Variants in CDH12 observed in about 807,000 individuals in gnomAD.
The protein encoded by CDH12 is cadherin 12, also known as cadherin-12.
Under a neutral mutation model 74.1 loss-of-function variants are expected in CDH12, and 41 were observed. The observed-to-expected ratio is 0.55, with a 90% CI of 0.43 to 0.72. The LOEUF is 0.72. Among genes scored for constraint, CDH12 ranks in the 30% least tolerant of loss-of-function variants. The pLI is 0.00. For missense variants in CDH12, 945 were observed against 977.2 expected (o/e 0.97, Z 0.44); for synonymous variants, 399 against 355.0 (o/e 1.12, Z -1.39).
intron 4 of CDH12, among the ~76,000 whole-genome samples, chr5:22,166,841 A>G (rs1007765018): frequency 9.2e-5 from 14 of 152,282 alleles, no homozygotes; most frequent in Admixed American, 9.2e-4. Flanking sequence ...GCGAGAAAGA[A>G]TATATCTTAT....
chr5:22,275,390 T>C (rs376550136), intron 3 of CDH12, among the ~76,000 whole-genome samples: 1 of 152,124 alleles, frequency 6.6e-6, no homozygotes, highest in Non-Finnish European at 1.5e-5. Context: ...TTAAAAACAG[T>C]AAACCTAAGA....
intron 4 of CDH12, among the ~76,000 whole-genome samples, chr5:22,092,411 A>G (rs1014941047): frequency 1.3e-5 from 2 of 152,200 alleles, no homozygotes; most frequent in African/African-American, 4.8e-5. Context: ...ACCATTTATT[A>G]TTCAATAGAA....
At chr5:22,346,703 T>C (rs1167036477) in intron 3 of CDH12, among the ~76,000 whole-genome samples, 2 of 152,168 alleles carry the variant, frequency 1.3e-5, no homozygotes, top group Admixed American at 6.5e-5. Flanking sequence ...TTCTCGATAG[T>C]TGAAAGTTGT....
At chr5:22,647,864 A>G (rs1305963055) in intron 1 of CDH12, among the ~76,000 whole-genome samples, 1 of 151,868 alleles carries the variant, frequency 6.6e-6, no homozygotes, top group African/African-American at 2.4e-5. Flanking sequence ...CTGAACTCAC[A>G]TTTCCATGGA....
intron 1 of CDH12, among the ~76,000 whole-genome samples, chr5:22,691,037 T>C (rs953496468): frequency 3.9e-5 from 6 of 152,198 alleles, no homozygotes; most frequent in African/African-American, 9.7e-5. Context: ...TAAAACCACT[T>C]AGCATTTACC....
At chr5:21,801,975 A>C (rs1170465187) in intron 10 of CDH12, among the ~76,000 whole-genome samples, 192 bp downstream of exon 10, 2 of 152,130 alleles carry the variant, frequency 1.3e-5, no homozygotes, top group Non-Finnish European at 2.9e-5. Flanking sequence ...CTGCTGCAAT[A>C]GTTGATAATA....
At chr5:22,757,362 C>A (rs1183482461) in intron 1 of CDH12, among the ~76,000 whole-genome samples, 1 of 152,138 alleles carries the variant, frequency 6.6e-6, no homozygotes, top group African/African-American at 2.4e-5. Context: ...TTGACTCCAA[C>A]TAATACATTT....
At chr5:22,142,198 A>C (rs1325630892) in intron 4 of CDH12, among the ~76,000 whole-genome samples, 1 of 152,142 alleles carries the variant, frequency 6.6e-6, no homozygotes, top group African/African-American at 2.4e-5. Context: ...GAATATAAAC[A>C]GAAGATATCA....
At chr5:22,257,869 A>G (rs1753373029) in intron 3 of CDH12, among the ~76,000 whole-genome samples, 1 of 152,114 alleles carries the variant, frequency 6.6e-6, no homozygotes, top group East Asian at 1.9e-4. Context: ...TAACTCCCAC[A>G]AGCTTAGCGT....
intron 3 of CDH12, among the ~76,000 whole-genome samples, chr5:22,357,494 T>G (rs1740614686): frequency 6.6e-6 from 1 of 152,110 alleles, no homozygotes; most frequent in South Asian, 2.1e-4. Context: ...TAATTCCAAT[T>G]AACATAAAAA....
chr5:22,354,232 T>C (rs1275669497), intron 3 of CDH12, among the ~76,000 whole-genome samples: 1 of 152,126 alleles, frequency 6.6e-6, no homozygotes, highest in African/African-American at 2.4e-5. Context: ...CAGGAAATAA[T>C]TTTTCAGTAT....
At chr5:22,027,032 G>T (rs1461880427) in intron 5 of CDH12, among the ~76,000 whole-genome samples, 4 of 152,254 alleles carry the variant, frequency 2.6e-5, no homozygotes. Context: ...GAAGGTCGTT[G>T]AATTTTGTCA....
At chr5:21,809,645 G>A (rs1442228167) in intron 9 of CDH12, among the ~76,000 whole-genome samples, 1 of 152,102 alleles carries the variant, frequency 6.6e-6, no homozygotes, top group African/African-American at 2.4e-5. Flanking sequence ...TACATGCTAT[G>A]TGAGTAAAAA....
chr5:22,594,425 C>T (rs1169139611), intron 1 of CDH12, among the ~76,000 whole-genome samples: 3 of 152,174 alleles, frequency 2.0e-5, no homozygotes, highest in African/African-American at 7.2e-5. Flanking sequence ...TACTCATCTC[C>T]ATCCAGGTGG....
chr5:22,435,318 CT>C (rs1744333022), intron 2 of CDH12, among the ~76,000 whole-genome samples: 1 of 151,818 alleles, frequency 6.6e-6, no homozygotes, highest in South Asian at 2.1e-4. Flanking sequence ...GACTGGCTTC[CT>C]TGTTCTTCAT....
At chr5:21,908,468 C>T (rs377572051) in intron 6 of CDH12, among the ~76,000 whole-genome samples, 4 of 152,248 alleles carry the variant, frequency 2.6e-5, no homozygotes. Context: ...GCCAAGATCT[C>T]ATCCATTTGT....
At position 21,883,514 on chromosome 5, in the gene CDH12, T is replaced by G. The variant is rs1752469366; in HGVS notation, c.527-28724A>C. ...TCAAGGCTCCAGGGTTTGGTGACAA[T>G]AGAAAGAACCAACTTAAAGATATGG... is the stretch of plus-strand genomic sequence containing the variant. On this transcript the variant is annotated intron_variant, in intron 6 of 14. Coordinates refer to ENST00000382254, the MANE Select transcript of CDH12 (RefSeq NM_004061.5). The G allele has an allele frequency of 1.9e-6, 3 of 1,612,858 alleles. 1 individual carries two copies. In the Admixed American group the frequency reaches 5.0e-5, roughly 27 times the overall value.
intron 6 of CDH12, among the ~76,000 whole-genome samples, chr5:21,870,630 C>G (rs1260145834): frequency 6.6e-6 from 1 of 152,134 alleles, no homozygotes; most frequent in Non-Finnish European, 1.5e-5. Context: ...ATAAGATCTG[C>G]TTTGTTCTGT....
chr5:22,743,280 ATGTATATATATG>A (rs974535440), intron 1 of CDH12, among the ~76,000 whole-genome samples: 1 of 137,236 alleles, frequency 7.3e-6, no homozygotes, highest in Non-Finnish European at 1.6e-5. Flanking sequence ...ATATATATAT[ATGTATATATATG>A]TATATGTATA....
Sources: gnomAD v4.1 joint callset for allele counts (sites outside exome capture counted in the v4.1 genomes callset) on GRCh38, gnomAD v4.1.1 for gene constraint, MANE v1.5 for transcripts, NCBI Gene and HGNC (gene_info 2026-07-23, HGNC 2026-07-21) for gene names.